Variants in IVNS1ABP observed in about 807,000 individuals in gnomAD.
The protein encoded by IVNS1ABP is influenza virus NS1A-binding protein.
A neutral mutation model predicts 78.9 loss-of-function variants in IVNS1ABP; 25 were observed. That is an observed-to-expected ratio of 0.32 (90% CI 0.23 to 0.44). IVNS1ABP has a LOEUF of 0.44. Among genes scored for constraint, IVNS1ABP ranks in the 20% least tolerant of loss-of-function variants. The pLI, the probability that IVNS1ABP is intolerant of heterozygous loss-of-function variation, is 1.00. For missense variants in IVNS1ABP, 494 were observed against 768.9 expected, an observed-to-expected ratio of 0.64 and a Z score of 4.23; for synonymous variants, 241 against 259.7, an observed-to-expected ratio of 0.93 and a Z score of 0.69.
rs2102822482 is a variant in IVNS1ABP, at chr1:185,311,281, C to T, written c.-205G>A. The T allele has an allele frequency of 5.0e-6, 2 of 397,866 alleles. No homozygotes were observed. Among genetic ancestry groups the T allele is most frequent in the Non-Finnish European group, 8.9e-6 (2 of 225,568 alleles). The allele number at this position is 397,866 out of a possible 1,614,324, so 24.6% of individuals were successfully genotyped here. A position where few individuals can be genotyped will look rare whatever the true frequency, so the allele number is the denominator to read the frequency against. The stretch of plus-strand genomic sequence containing the variant: ...AATGATGTAATCAAGTCCTTAAAAG[C>T]TATAGACACGAATTTCTTCTGTGAT... On this transcript the variant is annotated 5_prime_UTR_variant, in exon 2 of 15. The change abolishes the stop of an existing upstream ORF in the 5' untranslated region. Transcript: ENST00000367498.
chr1:185,316,855 C>T (rs1341907338), intron 1 of IVNS1ABP, 98 bp downstream of exon 1: 4 of 396,418 alleles, frequency 1.0e-5, no homozygotes, highest in East Asian at 3.6e-5. Context: ...GCTTCCGCGC[C>T]TCCCACCCTC....
intron 1 of IVNS1ABP, among the ~76,000 whole-genome samples, chr1:185,315,859 G>A (rs933176912): frequency 3.9e-5 from 6 of 152,144 alleles, no homozygotes; most frequent in Non-Finnish European, 5.9e-5. Context: ...AGAAGACCAC[G>A]ACACACTCAA....
At position 185,298,359 on chromosome 1, in the gene IVNS1ABP, CT is replaced by C; in HGVS notation, c.1676-72del. 1 of 1,397,740 alleles carries C rather than the reference CT, an allele frequency of 7.2e-7. No homozygotes were observed. Among genetic ancestry groups the C allele is most frequent in the Non-Finnish European group, 9.8e-7 (1 of 1,024,780 alleles). The allele number at this position is 1,397,740 out of a possible 1,614,324, so 86.6% of individuals were successfully genotyped here. A position where few individuals can be genotyped will look rare whatever the true frequency, so the allele number is the denominator to read the frequency against. The stretch of plus-strand genomic sequence containing the variant: ...TAAGGTAAAACTCCCCTAAATCTGT[CT>C]TTTGCTTAAAAATCAGTGGTTTTAA... On this transcript the variant is annotated intron_variant, in intron 14 of 14. Coordinates refer to ENST00000367498, the MANE Select transcript of IVNS1ABP (RefSeq NM_006469.5). The surrounding 1 kb of genome is among the most constrained non-coding windows in gnomAD (Gnocchi z 4.1).
chr1:185,302,021 G>A (rs564941294), intron 8 of IVNS1ABP, among the ~76,000 whole-genome samples: 11 of 152,074 alleles, frequency 7.2e-5, no homozygotes, highest in African/African-American at 2.6e-4. Context: ...CCAGCAAAAC[G>A]TAAGCAGATA....
Position 185,304,208 on chromosome 1 carries a change from C to T in IVNS1ABP, c.765+1328G>A, listed in dbSNP as rs566460988. 4.6e-5 allele frequency among the ~76,000 whole-genome samples: 7 copies of T among 152,100 alleles called. No individual in the cohort carries two copies. In the East Asian group the frequency reaches 9.7e-4, roughly 21 times the overall value. ...CTCTTATAAGCCTGTATTGTTTTGCCCACTCTTAGAAGGTCCTACAAGCAG... is the reference window on the plus strand; with the variant it reads ...CTCTTATAAGCCTGTATTGTTTTGCTCACTCTTAGAAGGTCCTACAAGCAG... On this transcript the variant is annotated intron_variant, in intron 8 of 14. Transcript: ENST00000367498.
At position 185,299,703 on chromosome 1, in the gene IVNS1ABP, C is replaced by CTGG. The variant is rs756578809; in HGVS notation, c.1675+6_1675+7insCCA. ...TACTCTTCACCTCTCCAAATCCCAA[C>CTGG]ACTCACCATTAAGAACAGCCACTCC... On this transcript the variant is annotated splice_region_variant and intron_variant, in intron 14 of 14. Coordinates refer to ENST00000367498, the MANE Select transcript of IVNS1ABP (RefSeq NM_006469.5). The CTGG allele has an allele frequency of 2.2e-5, 35 of 1,613,374 alleles. No homozygotes were observed. Among genetic ancestry groups the CTGG allele is most frequent in the Non-Finnish European group, 2.9e-5 (34 of 1,179,554 alleles).
rs772656937 is a variant in IVNS1ABP at position 185,307,599 on chromosome 1, C to A, written c.421G>T (p.Ala141Ser). The A allele has an allele frequency of 5.6e-6, 9 of 1,613,578 alleles. No individual in the cohort carries two copies. The highest frequency in any genetic ancestry group is 7.6e-6 in the Non-Finnish European group (9 of 1,179,668). ...VTSCISYRNFASCMGDSRLLN... is the reference protein window; with the variant it reads ...VTSCISYRNFSSCMGDSRLLN... ...AAACGGGAGTCTCCCATACAACTTG[C>A]AAAATTTCGGTAAGAGATGCAGCTG... The change falls in exon 6 of 15, where the codon GCA becomes TCA. Residue 141 changes from alanine to serine, a missense_variant. Coordinates refer to ENST00000367498, the MANE Select transcript of IVNS1ABP (RefSeq NM_006469.5).
chr1:185,316,412 G>A (rs1415297986), intron 1 of IVNS1ABP, among the ~76,000 whole-genome samples: 2 of 152,160 alleles, frequency 1.3e-5, no homozygotes, highest in South Asian at 2.1e-4. Flanking sequence ...CACGGCGATC[G>A]GGGACTCCGT....
intron 7 of IVNS1ABP, chr1:185,306,056 C>T (rs945115463): frequency 1.2e-5 from 2 of 171,492 alleles, no homozygotes; most frequent in Admixed American, 1.2e-4. Flanking sequence ...AAACATATTT[C>T]CTTCCTGTAA....
chr1:185,307,180 T>C (rs1665761413), intron 6 of IVNS1ABP, 41 bp from the exon 7 acceptor site: 2 of 1,600,916 alleles, frequency 1.2e-6, no homozygotes, highest in Non-Finnish European at 1.7e-6. Flanking sequence ...AGTGTTGGGC[T>C]CCTAGTTCTC....
intron 7 of IVNS1ABP, 198 bp downstream of exon 7, chr1:185,306,811 TAAAAA>T: frequency 1.4e-6 from 1 of 718,402 alleles, no homozygotes; most frequent in Non-Finnish European, 2.1e-6. Context: ...AGCAAAGAAA[TAAAAA>T]AAGAAAAGCA....
Position 185,301,392 on chromosome 1 carries a change from A to T in IVNS1ABP, c.895+42T>A, listed in dbSNP as rs187226178. The T allele has an allele frequency of 3.1e-5, 49 of 1,606,340 alleles. 1 individual carries two copies. In the Admixed American group the frequency reaches 7.7e-4, roughly 25 times the overall value. On this transcript the variant is annotated intron_variant, in intron 9 of 14. Transcript: ENST00000367498. Reference sequence around the variant, plus strand: ...AAATTGGCAACACTCCTTCTTAAAAATAGGTAAGCTGAAAACAATCTGGCA... The same window carrying T: ...AAATTGGCAACACTCCTTCTTAAAATTAGGTAAGCTGAAAACAATCTGGCA...
intron 1 of IVNS1ABP, among the ~76,000 whole-genome samples, chr1:185,314,160 T>G (rs945572554): frequency 6.6e-6 from 1 of 152,176 alleles, no homozygotes; most frequent in Admixed American, 6.5e-5. Context: ...CAACACATCT[T>G]TTTAAAACCA....
intron 5 of IVNS1ABP, chr1:185,307,869 G>A (rs1665779948): frequency 7.0e-7 from 1 of 1,426,380 alleles, no homozygotes; most frequent in South Asian, 1.4e-5. Context: ...AGTTTAAGGA[G>A]AGGTACAACA....
In IVNS1ABP at chr1:185,309,085, G is replaced by T. The variant is rs202151175; in HGVS notation, c.199C>A (p.Pro67Thr). Residue 67 changes from proline (P) to threonine (T), a missense_variant, in exon 4 of 15, where the codon CCT becomes ACT. Coordinates refer to ENST00000367498, the MANE Select transcript of IVNS1ABP (RefSeq NM_006469.5). ...LFEIFNSDSD[P>T]HGISHVKFDD... Reference sequence around the variant, plus strand: ...AATTTAACGTGAGAAATTCCATGAGGATCACTATCACTATTAAAGATTTCA... The same window carrying T: ...AATTTAACGTGAGAAATTCCATGAGTATCACTATCACTATTAAAGATTTCA... The T allele has an allele frequency of 6.8e-5, 109 of 1,612,560 alleles. No homozygotes were observed. Among genetic ancestry groups the T allele is most frequent in the Non-Finnish European group, 8.7e-5 (103 of 1,178,922 alleles).
chr1:185,298,454 A>C lies in IVNS1ABP; in HGVS notation c.1676-166T>G. 1 of 642,186 alleles carries C rather than the reference A, an allele frequency of 1.6e-6. No individual in the cohort carries two copies. The highest frequency in any genetic ancestry group is 2.6e-6 in the Non-Finnish European group (1 of 386,330). 39.8% of individuals were successfully genotyped at this position (642,186 alleles called of 1,614,324 possible). ...TGCCTAATATGACAAATACTCTCTA[A>C]GAGCTGGGAATCAAATCAATAAAAA... On this transcript the variant is annotated intron_variant, in intron 14 of 14. Transcript: ENST00000367498. The surrounding 1 kb of genome is among the most constrained non-coding windows in gnomAD (Gnocchi z 4.1).
Position 185,299,704 on chromosome 1 carries a change from A to G in IVNS1ABP, c.1675+6T>C. On this transcript the variant is annotated splice_donor_region_variant and intron_variant, in intron 14 of 14. Transcript: ENST00000367498. ...ACTCTTCACCTCTCCAAATCCCAAC[A>G]CTCACCATTAAGAACAGCCACTCCA... is the stretch of plus-strand genomic sequence containing the variant. The G allele has an allele frequency of 6.2e-7, 1 of 1,613,300 alleles. No homozygotes were observed. The highest frequency in any genetic ancestry group is 8.5e-7 in the Non-Finnish European group (1 of 1,179,532).
Position 185,311,327 on chromosome 1 carries a change from A to G in IVNS1ABP, c.-246-5T>C, listed in dbSNP as rs1235176364. 1.5e-5 allele frequency: 6 copies of G among 397,560 alleles called. No homozygotes were observed. The highest frequency in any genetic ancestry group is 2.2e-5 in the Non-Finnish European group (5 of 225,418). The allele number at this position is 397,560 out of a possible 1,614,324, so 24.6% of individuals were successfully genotyped here. A position where few individuals can be genotyped will look rare whatever the true frequency, so the allele number is the denominator to read the frequency against. ...GTGATAATGATGCATCATAATCTATAACAATGATAAATTTAAGTTAGATAT... is the reference window on the plus strand; with the variant it reads ...GTGATAATGATGCATCATAATCTATGACAATGATAAATTTAAGTTAGATAT... On this transcript the variant is annotated splice_region_variant and splice_polypyrimidine_tract_variant and intron_variant, in intron 1 of 14. Transcript: ENST00000367498.
In IVNS1ABP at chr1:185,303,712, AACT is replaced by A. The variant is rs545788484; in HGVS notation, c.765+1821_765+1823del. Among the ~76,000 whole-genome samples the A allele has an allele frequency of 5.0e-3, 761 of 152,142 alleles. 6 individuals carry two copies. The highest frequency in any genetic ancestry group is 0.017 in the African/African-American group (718 of 41,560). ...TCCCTCATCATTTTTTTAAAACCTG[AACT>A]ACTGCTGGCAATAGTCTATAAACTG... On this transcript the variant is annotated intron_variant, in intron 8 of 14. Coordinates refer to ENST00000367498, the MANE Select transcript of IVNS1ABP (RefSeq NM_006469.5).
Sources: gnomAD v4.1 joint callset for allele counts (sites outside exome capture counted in the v4.1 genomes callset) on GRCh38, gnomAD v4.1.1 for gene constraint, Gnocchi (gnomAD v3.1) non-coding constraint, MANE v1.5 for transcripts, NCBI Gene and HGNC (gene_info 2026-07-23, HGNC 2026-07-21) for gene names.